GPC5: variants seen among roughly 807,000 people sequenced by gnomAD.
GPC5 encodes the protein glypican-5.
Under a neutral mutation model 53.9 loss-of-function variants are expected in GPC5, and 47 were observed. The ratio of observed to expected loss-of-function variants is 0.87; its 90% CI spans 0.69 to 1.11. GPC5 has a LOEUF of 1.11. Ranked by LOEUF, GPC5 falls within the 50% of genes most tolerant of loss-of-function variation. GPC5 has a pLI of 0.00. For synonymous variants in GPC5, 286 were observed against 263.3 expected, an observed-to-expected ratio of 1.09 and a Z score of -0.84; for missense variants, 748 against 713.1, an observed-to-expected ratio of 1.05 and a Z score of -0.56.
chr13:92,613,441 T>TGTGATATATATTTATATATACATATG (rs1555295351), intron 7 of GPC5, among the ~76,000 whole-genome samples: 1 of 56,506 alleles, frequency 1.8e-5, no homozygotes, highest in African/African-American at 5.1e-5. Context: ...TATATATAAA[T>TGTGATATATATTTATATATACATATG]ATATATATTT....
intron 6 of GPC5, among the ~76,000 whole-genome samples, chr13:92,120,835 T>G (rs1020062466): frequency 2.6e-5 from 4 of 152,218 alleles, no homozygotes; most frequent in African/African-American, 9.6e-5. Context: ...CAGCTCTGCC[T>G]CCAGATTATG....
intron 2 of GPC5, among the ~76,000 whole-genome samples, chr13:91,654,399 A>G (rs1473414949): frequency 2.6e-5 from 4 of 152,168 alleles, no homozygotes; most frequent in African/African-American, 4.8e-5. Flanking sequence ...GTAAGTAAAT[A>G]GTTAGATACT....
intron 7 of GPC5, among the ~76,000 whole-genome samples, chr13:92,612,388 G>T (rs112105701): frequency 1.3e-5 from 2 of 151,922 alleles, no homozygotes; most frequent in South Asian, 2.1e-4. Flanking sequence ...CATGGAAAAT[G>T]ATTCAAATCT....
chr13:91,588,779 GTTTC>G (rs1468603668), intron 2 of GPC5, among the ~76,000 whole-genome samples: 1 of 151,818 alleles, frequency 6.6e-6, no homozygotes, highest in African/African-American at 2.4e-5. Context: ...TGCATTTTCA[GTTTC>G]TTTCATTCTT....
intron 7 of GPC5, among the ~76,000 whole-genome samples, chr13:92,554,109 G>C (rs1416325654): frequency 1.3e-5 from 2 of 151,820 alleles, no homozygotes; most frequent in Non-Finnish European, 2.9e-5. Flanking sequence ...GTTCAATAAG[G>C]GGCAGAGTAA....
intron 7 of GPC5, among the ~76,000 whole-genome samples, chr13:92,704,967 C>T (rs1036214226): frequency 1.3e-5 from 2 of 150,302 alleles, no homozygotes; most frequent in South Asian, 4.2e-4. Flanking sequence ...ATACTATGTT[C>T]TAAGTAAGAT....
chr13:91,706,111 C>A (rs149930645), intron 3 of GPC5, among the ~76,000 whole-genome samples: 3,047 of 151,970 alleles, frequency 0.02, 101 homozygotes, highest in African/African-American at 0.069. Context: ...GATCTCCTGA[C>A]CTCATGATCC....
chr13:92,055,710 T>C (rs2041069080), intron 6 of GPC5, among the ~76,000 whole-genome samples: 1 of 152,236 alleles, frequency 6.6e-6, no homozygotes, highest in African/African-American at 2.4e-5. Context: ...CTTGCATGTC[T>C]TTTGCATAAA....
chr13:92,288,501 A>C (rs540010990), intron 7 of GPC5, among the ~76,000 whole-genome samples: 25 of 152,264 alleles, frequency 1.6e-4, no homozygotes, highest in African/African-American at 6.0e-4. Flanking sequence ...TGGTCACGGA[A>C]ATCTCTTCTA....
intron 5 of GPC5, among the ~76,000 whole-genome samples, chr13:91,870,532 AC>A (rs1432120477): frequency 1.3e-5 from 2 of 152,178 alleles, no homozygotes; most frequent in East Asian, 1.9e-4. Flanking sequence ...ACGCCATGAC[AC>A]TTACAGTGCA....
intron 2 of GPC5, among the ~76,000 whole-genome samples, chr13:91,657,503 G>A (rs1430935647): frequency 6.6e-6 from 1 of 152,084 alleles, no homozygotes; most frequent in East Asian, 1.9e-4. Context: ...CTAATGGGTA[G>A]AGGCCAAGGG....
At chr13:91,936,496 A>G (rs186324950) in intron 6 of GPC5, among the ~76,000 whole-genome samples, 2 of 152,240 alleles carry the variant, frequency 1.3e-5, no homozygotes, top group East Asian at 3.9e-4. Flanking sequence ...TTTTTGCCAC[A>G]GAAATCTAGC....
At chr13:92,347,139 C>A (rs532000264) in intron 7 of GPC5, among the ~76,000 whole-genome samples, 3 of 151,590 alleles carry the variant, frequency 2.0e-5, no homozygotes, top group South Asian at 4.2e-4. Context: ...GAAATAAGGG[C>A]TAAAAAAAAC....
chr13:91,871,405 G>A (rs1216085501), intron 5 of GPC5, among the ~76,000 whole-genome samples: 1 of 151,866 alleles, frequency 6.6e-6, no homozygotes, highest in East Asian at 1.9e-4. Context: ...CTGGGTACTG[G>A]GCTTAATGCC....
intron 7 of GPC5, among the ~76,000 whole-genome samples, chr13:92,840,078 CATATATATATATATATATATATATATAT>C (rs4001881): frequency 8.0e-4 from 79 of 98,998 alleles, no homozygotes; most frequent in East Asian, 3.6e-3. Context: ...TATATACATA[CATATATATATATATATATATATATATAT>C]ATATATATAT....
intron 5 of GPC5, among the ~76,000 whole-genome samples, chr13:91,807,944 G>C (rs1412697369): frequency 1.3e-5 from 2 of 152,138 alleles, no homozygotes; most frequent in Admixed American, 6.6e-5. Context: ...ACAGACCAAT[G>C]TGCAGTGAAT....
intron 7 of GPC5, among the ~76,000 whole-genome samples, chr13:92,787,240 G>A (rs931829504): frequency 2.6e-5 from 4 of 151,984 alleles, no homozygotes; most frequent in African/African-American, 9.7e-5. Context: ...CTGCCAAAAT[G>A]GAAGATGATA....
chr13:92,141,226 T>G (rs2041828313), intron 6 of GPC5, among the ~76,000 whole-genome samples: 1 of 152,046 alleles, frequency 6.6e-6, no homozygotes, highest in African/African-American at 2.4e-5. Context: ...GTATGATAAT[T>G]GAAAAGCGAG....
intron 6 of GPC5, among the ~76,000 whole-genome samples, chr13:92,118,866 G>A (rs2041622063): frequency 6.6e-6 from 1 of 152,122 alleles, no homozygotes. Context: ...ATAATTTTTA[G>A]TTGAATAACA....
Sources: allele counts gnomAD v4.1 joint callset (sites outside exome capture counted in the v4.1 genomes callset), GRCh38; gene constraint gnomAD v4.1.1; transcripts MANE v1.5; gene names NCBI Gene and HGNC (gene_info 2026-07-23, HGNC 2026-07-21).